CACNB2: variants seen among roughly 807,000 people sequenced by gnomAD.
CACNB2 encodes the protein calcium voltage-gated channel auxiliary subunit beta 2, also known as voltage-dependent L-type calcium channel subunit beta-2.
CACNB2 carries 42 observed loss-of-function variants against 73.3 expected under a neutral mutation model. The observed-to-expected ratio is 0.57, with a 90% confidence interval of 0.45 to 0.74. The LOEUF (loss-of-function observed/expected upper bound fraction) is 0.74. Among genes scored for constraint, CACNB2 ranks in the 30% least tolerant of loss-of-function variants. The pLI is 0.00. For synonymous variants in CACNB2, 348 were observed against 310.3 expected (o/e 1.12, Z -1.28); for missense variants, 940 against 853.0 (o/e 1.10, Z -1.27).
At chr10:18,519,851 C>G (rs2051674023) in intron 9 of CACNB2, 1 of 409,758 alleles carries the variant, frequency 2.4e-6, no homozygotes, top group South Asian at 1.8e-5. Context: ...ATTGCTAAAT[C>G]CAGGGATAAA....
In CACNB2 at chr10:18,538,348, C is replaced by G. The variant is rs771856157; in HGVS notation, c.1471C>G (p.Leu491Val). The change falls in exon 13 of 14, where the codon CTA becomes GTA. Residue 491 changes from leucine to valine, a missense_variant. Coordinates refer to ENST00000324631, the MANE Select transcript of CACNB2 (RefSeq NM_201596.3). ...ATSSLPLSPT[L>V]ASNSQGSQGD... Reference sequence around the variant, plus strand: ...TTCAAGTCTGCCTCTTAGCCCCACCCTAGCCTCTAATTCACAGGTAAGGGG... The same window carrying G: ...TTCAAGTCTGCCTCTTAGCCCCACCGTAGCCTCTAATTCACAGGTAAGGGG... The G allele has an allele frequency of 9.3e-6, 15 of 1,612,638 alleles. No individual in the cohort carries two copies. The highest frequency in any genetic ancestry group is 3.3e-5 in the Admixed American group (2 of 59,980).
chr10:18,531,099 T>A (rs1472908567), intron 10 of CACNB2, among the ~76,000 whole-genome samples: 1 of 152,208 alleles, frequency 6.6e-6, no homozygotes, highest in East Asian at 1.9e-4. Context: ...ATTAAATAAC[T>A]CATACTAGAG....
intron 3 of CACNB2, among the ~76,000 whole-genome samples, chr10:18,454,300 G>A (rs919556632): frequency 1.3e-5 from 2 of 152,176 alleles, no homozygotes; most frequent in African/African-American, 4.8e-5. Flanking sequence ...TTGTGTTACT[G>A]TATTAACATT....
intron 2 of CACNB2, among the ~76,000 whole-genome samples, chr10:18,166,587 C>A (rs2032867338): frequency 6.6e-6 from 1 of 152,138 alleles, no homozygotes; most frequent in African/African-American, 2.4e-5. Flanking sequence ...AGATTAGATA[C>A]CCTTTATTAT....
At chr10:18,148,642 A>C (rs1465779378) in intron 1 of CACNB2, among the ~76,000 whole-genome samples, 1 of 152,188 alleles carries the variant, frequency 6.6e-6, no homozygotes, top group Non-Finnish European at 1.5e-5. Flanking sequence ...ATTTATCACT[A>C]AAATGCTAAA....
chr10:18,178,386 G>A (rs1343863424), intron 2 of CACNB2, among the ~76,000 whole-genome samples: 1 of 152,126 alleles, frequency 6.6e-6, no homozygotes, highest in Non-Finnish European at 1.5e-5. Flanking sequence ...TCTCATTCAA[G>A]AAATGTTGAT....
At chr10:18,402,123 A>G (rs1780098176) in intron 3 of CACNB2, 80 bp downstream of exon 3, 1 of 1,468,652 alleles carries the variant, frequency 6.8e-7, no homozygotes, top group Non-Finnish European at 9.5e-7. Flanking sequence ...GTTTCCCCTA[A>G]AGGTTGTTTG....
chr10:18,292,008 T>G (rs1351824095), intron 2 of CACNB2, among the ~76,000 whole-genome samples: 1 of 152,218 alleles, frequency 6.6e-6, no homozygotes, highest in African/African-American at 2.4e-5. Flanking sequence ...TTGCCATTTT[T>G]AGGTTTTTAG....
chr10:18,348,209 G>A (rs1319745343), intron 2 of CACNB2, among the ~76,000 whole-genome samples: 1 of 152,174 alleles, frequency 6.6e-6, no homozygotes, highest in Non-Finnish European at 1.5e-5. Flanking sequence ...GAGAAATCAT[G>A]AATTTCTGCA....
chr10:18,474,718 T>G (rs929997662), intron 3 of CACNB2, among the ~76,000 whole-genome samples: 5 of 152,062 alleles, frequency 3.3e-5, no homozygotes, highest in African/African-American at 1.2e-4. Flanking sequence ...GAAAACTGTT[T>G]CCTCTCTACT....
intron 2 of CACNB2, among the ~76,000 whole-genome samples, chr10:18,288,888 T>C (rs1036633987): frequency 3.9e-5 from 6 of 152,058 alleles, no homozygotes; most frequent in Non-Finnish European, 5.9e-5. Context: ...CTGCTAAAAA[T>C]ACAAAAATCA....
At chr10:18,223,400 G>A (rs2035868758) in intron 2 of CACNB2, among the ~76,000 whole-genome samples, 1 of 152,080 alleles carries the variant, frequency 6.6e-6, no homozygotes. Flanking sequence ...ATTTCATTTA[G>A]CATATTTAAT....
At chr10:18,342,597 C>G (rs2041276663) in intron 2 of CACNB2, among the ~76,000 whole-genome samples, 1 of 152,078 alleles carries the variant, frequency 6.6e-6, no homozygotes, top group African/African-American at 2.4e-5. Context: ...CTTTTTGTTT[C>G]CTATGGCCTG....
intron 2 of CACNB2, among the ~76,000 whole-genome samples, chr10:18,162,399 G>A (rs2131098696): frequency 1.3e-5 from 2 of 152,174 alleles, no homozygotes; most frequent in Middle Eastern, 6.8e-3. Flanking sequence ...AAAAATCGAG[G>A]ATCTGATGTC....
At chr10:18,149,942 C>T (rs1251804481) in intron 1 of CACNB2, among the ~76,000 whole-genome samples, 1 of 152,058 alleles carries the variant, frequency 6.6e-6, no homozygotes, top group African/African-American at 2.4e-5. Flanking sequence ...ATACTTAACC[C>T]CATTTTAAAG....
At chr10:18,498,601 C>T (rs2049984266) in intron 4 of CACNB2, 124 bp downstream of exon 4, 18 of 958,556 alleles carry the variant, frequency 1.9e-5, no homozygotes, top group Admixed American at 1.7e-5. Flanking sequence ...GTATAACACA[C>T]ATAACTAAAT....
intron 2 of CACNB2, among the ~76,000 whole-genome samples, chr10:18,176,328 A>T (rs946968142): frequency 6.6e-6 from 1 of 152,186 alleles, no homozygotes; most frequent in Non-Finnish European, 1.5e-5. Flanking sequence ...TACTGTTTTA[A>T]TGAGGAGGTA....
chr10:18,259,570 A>G (rs28546697), intron 2 of CACNB2, among the ~76,000 whole-genome samples: 2 of 116,956 alleles, frequency 1.7e-5, no homozygotes, highest in African/African-American at 3.3e-5. Flanking sequence ...CAAACAAAAA[A>G]AAAAAGTAAA....
intron 2 of CACNB2, among the ~76,000 whole-genome samples, chr10:18,287,201 T>G (rs2038840928): frequency 6.6e-6 from 1 of 151,942 alleles, no homozygotes; most frequent in Non-Finnish European, 1.5e-5. Flanking sequence ...TGGTGGCTTG[T>G]GGCTGTAATC....
Sources: gnomAD v4.1 joint callset for allele counts (sites outside exome capture counted in the v4.1 genomes callset) on GRCh38, gnomAD v4.1.1 for gene constraint, MANE v1.5 for transcripts, NCBI Gene and HGNC (gene_info 2026-07-23, HGNC 2026-07-21) for gene names.